Variants in SLC35D4 observed in about 807,000 individuals in gnomAD.
SLC35D4 encodes UDP-N-acetylglucosamine transporter SLC35D4.
the SLC35D4 span, among the ~76,000 whole-genome samples, chr18:23,406,008 A>G: frequency 6.6e-6 from 1 of 152,132 alleles, no homozygotes; most frequent in Non-Finnish European, 1.5e-5. Flanking sequence ...CTCCTGAAAT[A>G]TTTTTTGAAG....
At chr18:23,410,281 T>C in the SLC35D4 span, among the ~76,000 whole-genome samples, 2 of 150,296 alleles carry the variant, frequency 1.3e-5, no homozygotes, top group African/African-American at 2.5e-5. Context: ...ATCGAGACCA[T>C]CCTGGCTAAC....
At chr18:23,359,610 T>G in the SLC35D4 span, among the ~76,000 whole-genome samples, 36,941 of 151,954 alleles carry the variant, frequency 0.24, 5,455 homozygotes, top group East Asian at 0.4. Context: ...TATTTGAACG[T>G]GAAGAAAATT....
At chr18:23,296,820 C>T in the SLC35D4 span, 1 of 148,782 alleles carries the variant, frequency 6.7e-6, no homozygotes, top group Non-Finnish European at 1.5e-5. Flanking sequence ...CCTGTTTCCT[C>T]TGGGGATAAG....
the SLC35D4 span, among the ~76,000 whole-genome samples, chr18:23,336,505 AT>A: frequency 2.0e-5 from 3 of 152,244 alleles, no homozygotes; most frequent in African/African-American, 7.2e-5. Context: ...CCATAATTAG[AT>A]TTTTTAAGCA....
At chr18:23,323,533 A>C in the SLC35D4 span, among the ~76,000 whole-genome samples, 1 of 152,204 alleles carries the variant, frequency 6.6e-6, no homozygotes, top group Non-Finnish European at 1.5e-5. Context: ...GGTCACACTC[A>C]GTTTTACATG....
the SLC35D4 span, among the ~76,000 whole-genome samples, chr18:23,298,376 A>G: frequency 6.6e-6 from 1 of 152,180 alleles, no homozygotes; most frequent in East Asian, 1.9e-4. Flanking sequence ...TCTGGCAGAA[A>G]CACAGACTTC....
the SLC35D4 span, among the ~76,000 whole-genome samples, chr18:23,336,290 G>A: frequency 2.0e-5 from 3 of 152,282 alleles, no homozygotes; most frequent in South Asian, 6.2e-4. Flanking sequence ...GCGAATGGCA[G>A]CTCCCAAACT....
the SLC35D4 span, among the ~76,000 whole-genome samples, chr18:23,242,508 A>C: frequency 6.6e-6 from 1 of 152,198 alleles, no homozygotes; most frequent in Non-Finnish European, 1.5e-5. Flanking sequence ...GTATCATTAG[A>C]ACGTGGCAGC....
chr18:23,414,156 G>A, the SLC35D4 span, among the ~76,000 whole-genome samples: 2 of 151,966 alleles, frequency 1.3e-5, no homozygotes, highest in Admixed American at 1.3e-4. Flanking sequence ...CCAAGAGGCT[G>A]AGGCAGGAGA....
chr18:23,248,512 C>CTTTTTTTTTTTTTTTT, the SLC35D4 span, among the ~76,000 whole-genome samples: 13 of 90,726 alleles, frequency 1.4e-4, 1 homozygote, highest in Non-Finnish European at 2.1e-4. Context: ...GACCCTATGT[C>CTTTTTTTTTTTTTTTT]TTTTTTTTTT....
the SLC35D4 span, among the ~76,000 whole-genome samples, chr18:23,387,740 AC>A: frequency 2.6e-4 from 40 of 152,166 alleles, no homozygotes; most frequent in Non-Finnish European, 4.3e-4. Flanking sequence ...TTTTAAAAAA[AC>A]ATTTTCTATT....
the SLC35D4 span, among the ~76,000 whole-genome samples, chr18:23,240,176 G>T: frequency 6.6e-6 from 1 of 152,164 alleles, no homozygotes; most frequent in Non-Finnish European, 1.5e-5. Context: ...GTGGGCCCCA[G>T]GGGGTAGGCC....
At chr18:23,351,638 C>G in the SLC35D4 span, among the ~76,000 whole-genome samples, 1 of 152,126 alleles carries the variant, frequency 6.6e-6, no homozygotes, top group African/African-American at 2.4e-5. Context: ...AGCTCTACAA[C>G]TTGCCTCCCT....
the SLC35D4 span, among the ~76,000 whole-genome samples, chr18:23,432,070 A>G: frequency 6.6e-6 from 1 of 152,164 alleles, no homozygotes; most frequent in African/African-American, 2.4e-5. Flanking sequence ...AAATCTATTT[A>G]CTACATAATT....
chr18:23,417,789 A>G, the SLC35D4 span, among the ~76,000 whole-genome samples: 2 of 152,258 alleles, frequency 1.3e-5, no homozygotes, highest in Non-Finnish European at 2.9e-5. Flanking sequence ...GACTACTATT[A>G]ATAAGTAAAT....
chr18:23,280,959 A>AC, the SLC35D4 span, among the ~76,000 whole-genome samples: 1 of 150,496 alleles, frequency 6.6e-6, no homozygotes, highest in Admixed American at 6.6e-5. Context: ...GCCTCTCCCC[A>AC]CCCCCAGGTA....
chr18:23,271,645 G>T, the SLC35D4 span, among the ~76,000 whole-genome samples: 1 of 152,100 alleles, frequency 6.6e-6, no homozygotes, highest in Non-Finnish European at 1.5e-5. Flanking sequence ...GGTGACTCTT[G>T]GTGGGTCTCT....
At chr18:23,396,262 C>T in the SLC35D4 span, among the ~76,000 whole-genome samples, 1 of 152,138 alleles carries the variant, frequency 6.6e-6, no homozygotes, top group Non-Finnish European at 1.5e-5. Context: ...CAGAGCTACC[C>T]CGAAAGTGTT....
chr18:23,426,022 G>A, the SLC35D4 span, among the ~76,000 whole-genome samples: 1 of 152,084 alleles, frequency 6.6e-6, no homozygotes, highest in Non-Finnish European at 1.5e-5. Flanking sequence ...TAGAATAAAT[G>A]AGGCCAGTAT....
Sources: gnomAD v4.1 joint callset for allele counts (sites outside exome capture counted in the v4.1 genomes callset) on GRCh38, gnomAD v4.1.1 for gene constraint, MANE v1.5 for transcripts, NCBI Gene and HGNC (gene_info 2026-07-23, HGNC 2026-07-21) for gene names.